Variants in METTL13 observed in about 807,000 individuals in gnomAD.
METTL13 encodes the protein eEF1A lysine and N-terminal methyltransferase.
A neutral mutation model predicts 67.4 loss-of-function variants in METTL13; 52 were observed. The observed-to-expected ratio is 0.77, with a 90% CI of 0.62 to 0.97. METTL13 has a LOEUF of 0.97. Ranked by LOEUF, METTL13 falls within the 50% of genes least tolerant of loss-of-function variation. The probability of loss-of-function intolerance (pLI) is 0.00; values close to 1 mark genes in which losing one functional copy is unlikely to be tolerated. For synonymous variants in METTL13, 354 were observed against 353.6 expected, an observed-to-expected ratio of 1.00 and a Z score of -0.01; for missense variants, 825 against 889.6, an observed-to-expected ratio of 0.93 and a Z score of 0.92.
rs1656948334 is a variant in METTL13, at chr1:171,784,585, C to G, written c.913+86C>G. 6.5e-6 allele frequency: 9 copies of G among 1,391,890 alleles called. No homozygotes were observed. The South Asian group carries it at 1.6e-4, about 24-fold the overall frequency. The allele number at this position is 1,391,890 out of a possible 1,614,324, so 86.2% of individuals were successfully genotyped here. ...GGCTGGGGCTGGGGCTGAGGCTGGGCTGGGGCTTTGGTGGGATTCTGGACT... is the reference window on the plus strand; with the variant it reads ...GGCTGGGGCTGGGGCTGAGGCTGGGGTGGGGCTTTGGTGGGATTCTGGACT... On this transcript the variant is annotated intron_variant, in intron 2 of 7. Coordinates refer to ENST00000361735, the MANE Select transcript of METTL13 (RefSeq NM_015935.5).
rs1303303296 is a variant in METTL13 at position 171,796,621 on chromosome 1, C to T, written c.1965C>T (p.His655=). ...ATGAGATCCTGTTCTGTCAGCTGCA[C>T]CCTGAGCAAAAACTTGCCACACCAG... The part of the protein sequence containing the change: ...EVNEILFCQL[H]PEQKLATPEL... Residue 655 remains histidine, a synonymous_variant, in exon 8 of 8, where the codon CAC becomes CAT. Coordinates refer to ENST00000361735, the MANE Select transcript of METTL13 (RefSeq NM_015935.5). The T allele has an allele frequency of 2.5e-6, 4 of 1,614,062 alleles. No individual in the cohort carries two copies. In the African/African-American group the frequency reaches 5.3e-5, roughly 22 times the overall value.
rs1408098422 is a variant in METTL13, at chr1:171,781,725, G to A, written c.-243G>A. On this transcript the variant is annotated 5_prime_UTR_variant, in exon 1 of 8. Transcript: ENST00000361735. ...AAGTGTGAGGGGCTCTTCACGTGGG[G>A]AAGGAACAGCAGGCGCGGAGGAGGG... 2 of 1,288,518 alleles carry A rather than the reference G, an allele frequency of 1.6e-6. No individual in the cohort carries two copies. The highest frequency in any genetic ancestry group is 2.0e-6 in the Non-Finnish European group (2 of 1,001,458). 79.8% of individuals were successfully genotyped at this position (1,288,518 alleles called of 1,614,324 possible).
intron 5 of METTL13, 63 bp downstream of exon 5, chr1:171,790,679 G>C: frequency 7.3e-7 from 1 of 1,372,618 alleles, no homozygotes. Context: ...TAAACAATTG[G>C]TGTCACTTGC....
chr1:171,796,464 T>C lies in METTL13; in HGVS notation c.1826-18T>C. 6.2e-7 allele frequency: 1 copy of C among 1,612,542 alleles called. No individual in the cohort carries two copies. Among genetic ancestry groups the C allele is most frequent in the Non-Finnish European group, 8.5e-7 (1 of 1,179,010 alleles). On this transcript the variant is annotated intron_variant, in intron 7 of 7. Transcript: ENST00000361735. ...CTCCTGATGTGAGGTCATTCTGACT[T>C]TTCTTCCTACCCTATAGGTGTTTTT...
At chr1:171,794,162 G>T (rs1285803218) in intron 6 of METTL13, among the ~76,000 whole-genome samples, 1 of 152,160 alleles carries the variant, frequency 6.6e-6, no homozygotes, top group African/African-American at 2.4e-5. Context: ...TTTGGAAGGT[G>T]CTTTTAAATG....
chr1:171,782,224 T>G, intron 1 of METTL13, 104 bp downstream of exon 1: 1 of 937,862 alleles, frequency 1.1e-6, no homozygotes, highest in Non-Finnish European at 1.7e-6. Flanking sequence ...AGGACCCTAG[T>G]TGGACGCATA....
intron 1 of METTL13, 134 bp downstream of exon 1, chr1:171,782,254 GT>G (rs1656851329): frequency 1.3e-6 from 1 of 780,564 alleles, no homozygotes; most frequent in African/African-American, 1.7e-5. Flanking sequence ...TTCCTGCATT[GT>G]TCCTGCTAAA....
In METTL13 at chr1:171,796,989, A is replaced by G; in HGVS notation, c.*233A>G. ...TTGGGTTGGTTTGTCTTTGCTTCCT[A>G]CACCACGTCCTTGAGTGGAGTTCCC... On this transcript the variant is annotated 3_prime_UTR_variant, in exon 8 of 8. Coordinates refer to ENST00000361735, the MANE Select transcript of METTL13 (RefSeq NM_015935.5). 1 of 520,774 alleles carries G rather than the reference A, an allele frequency of 1.9e-6. No homozygotes were observed. 32.3% of individuals were successfully genotyped at this position (520,774 alleles called of 1,614,324 possible).
At chr1:171,785,153 C>T (rs539390186) in intron 2 of METTL13, among the ~76,000 whole-genome samples, 1 of 152,158 alleles carries the variant, frequency 6.6e-6, no homozygotes, top group Non-Finnish European at 1.5e-5. Context: ...CTTGGAAGTG[C>T]TGTGTAAATG....
chr1:171,796,278 G>A (rs1367017290), intron 7 of METTL13, among the ~76,000 whole-genome samples: 2 of 152,158 alleles, frequency 1.3e-5, no homozygotes, highest in East Asian at 3.8e-4. Flanking sequence ...AATAAGGCTG[G>A]AGTTTGTTTA....
intron 1 of METTL13, among the ~76,000 whole-genome samples, chr1:171,783,271 A>G (rs1035763821): frequency 2.0e-5 from 3 of 152,204 alleles, no homozygotes; most frequent in South Asian, 4.1e-4. Flanking sequence ...GAAGATAGCC[A>G]AATATCATGA....
chr1:171,794,555 A>C (rs770195244), intron 7 of METTL13, 28 bp downstream of exon 7: 10 of 1,613,414 alleles, frequency 6.2e-6, no homozygotes, highest in South Asian at 1.1e-5. Flanking sequence ...TGGGAGAGGG[A>C]GGAGAGAAGG....
At chr1:171,791,958 C>T in intron 5 of METTL13, 59 bp from the exon 6 acceptor site, 2 of 1,579,756 alleles carry the variant, frequency 1.3e-6, no homozygotes, top group South Asian at 1.1e-5. Flanking sequence ...TTCCCTGAGG[C>T]TGGTACAGAA....
intron 3 of METTL13, 50 bp downstream of exon 3, chr1:171,786,128 A>G: frequency 1.3e-6 from 2 of 1,557,314 alleles, no homozygotes; most frequent in Non-Finnish European, 8.7e-7. Flanking sequence ...TCATGTTAGC[A>G]GCCAGGGAGG....
rs564158218 is a variant in METTL13, at chr1:171,797,030, C to G, written c.*274C>G. ...TGGAGTTCCCTGCTGAAGCCCCTAGCACACACTGCATGCCTTAACAAGTGT... is the reference window on the plus strand; with the variant it reads ...TGGAGTTCCCTGCTGAAGCCCCTAGGACACACTGCATGCCTTAACAAGTGT... On this transcript the variant is annotated 3_prime_UTR_variant, in exon 8 of 8. Coordinates refer to ENST00000361735, the MANE Select transcript of METTL13 (RefSeq NM_015935.5). 219 of 434,824 alleles carry G rather than the reference C, an allele frequency of 5.0e-4. 1 individual carries two copies. Among genetic ancestry groups the G allele is most frequent in the Non-Finnish European group, 7.2e-5 (17 of 235,028 alleles). The allele number at this position is 434,824 out of a possible 1,614,324, so 26.9% of individuals were successfully genotyped here.
Position 171,796,531 on chromosome 1 carries a change from A to C in METTL13, c.1875A>C (p.Ser625=). Reference sequence around the variant, plus strand: ...GCCGAGACTTGGGGCTAAAAGACTCAGTGCTGGCTGGGCTCAAGGCAGTGT... The same window carrying C: ...GCCGAGACTTGGGGCTAAAAGACTCCGTGCTGGCTGGGCTCAAGGCAGTGT... ...LVCRDLGLKD[S]VLAGLKAVFP... Residue 625 remains serine, a synonymous_variant, in exon 8 of 8, where the codon TCA becomes TCC. Transcript: ENST00000361735. 1 of 1,614,232 alleles carries C rather than the reference A, an allele frequency of 6.2e-7. No individual in the cohort carries two copies. Among genetic ancestry groups the C allele is most frequent in the Non-Finnish European group, 8.5e-7 (1 of 1,180,044 alleles).
At chr1:171,782,996 C>G (rs1281488000) in intron 1 of METTL13, among the ~76,000 whole-genome samples, 3 of 150,982 alleles carry the variant, frequency 2.0e-5, no homozygotes, top group Non-Finnish European at 2.9e-5. Flanking sequence ...GAATTCTCAT[C>G]ATAAATTCAG....
At chr1:171,782,310 C>T (rs543123801) in intron 1 of METTL13, among the ~76,000 whole-genome samples, 190 bp downstream of exon 1, 1 of 152,178 alleles carries the variant, frequency 6.6e-6, no homozygotes, top group South Asian at 2.1e-4. Flanking sequence ...GTGGCTCACA[C>T]CTGTAATCCG....
At chr1:171,783,688 T>A in intron 1 of METTL13, 52 bp from the exon 2 acceptor site, 1 of 1,551,626 alleles carries the variant, frequency 6.4e-7, no homozygotes, top group Non-Finnish European at 8.7e-7. Context: ...GTACCTGAAG[T>A]ACAGTCCTTT....
Sources: gnomAD v4.1 joint callset for allele counts (sites outside exome capture counted in the v4.1 genomes callset) on GRCh38, gnomAD v4.1.1 for gene constraint, MANE v1.5 for transcripts, NCBI Gene and HGNC (gene_info 2026-07-23, HGNC 2026-07-21) for gene names.